GALNTL6: variants seen among roughly 807,000 people sequenced by gnomAD.
The protein encoded by GALNTL6 is polypeptide N-acetylgalactosaminyltransferase like 6, also known as polypeptide N-acetylgalactosaminyltransferase-like 6.
Under a neutral mutation model 73.7 loss-of-function variants are expected in GALNTL6, and 46 were observed. The ratio of observed to expected loss-of-function variants is 0.62; its 90% confidence interval spans 0.49 to 0.80. GALNTL6 has a LOEUF of 0.80. Among genes scored for constraint, GALNTL6 ranks in the 30% least tolerant of loss-of-function variants. The pLI is 0.00. For missense variants in GALNTL6, 604 were observed against 755.0 expected, an observed-to-expected ratio of 0.80 and a Z score of 2.34; for synonymous variants, 259 against 263.7, an observed-to-expected ratio of 0.98 and a Z score of 0.17.
At position 171,823,188 on chromosome 4, in the gene GALNTL6, AT is replaced by A. The variant is rs534527786; in HGVS notation, c.138+8472del. Among the ~76,000 whole-genome samples, 34 of 152,294 alleles carry A rather than the reference AT, an allele frequency of 2.2e-4. 1 individual carries two copies. In the Middle Eastern group the frequency reaches 0.017, roughly 76 times the overall value. On this transcript the variant is annotated intron_variant, in intron 2 of 12. Transcript: ENST00000506823. ...AGAAATTTAAATAAAATTATACTAG[AT>A]TAAATGGTAAGACTAAATATTTAAC... is the stretch of plus-strand genomic sequence containing the variant.
At chr4:171,870,466 A>G (rs1000252413) in intron 2 of GALNTL6, among the ~76,000 whole-genome samples, 4 of 152,192 alleles carry the variant, frequency 2.6e-5, no homozygotes, top group African/African-American at 9.6e-5. Flanking sequence ...TTGAACTACT[A>G]TGGCTTAGGG....
chr4:172,038,481 C>T (rs942753957), intron 2 of GALNTL6, among the ~76,000 whole-genome samples: 3 of 152,164 alleles, frequency 2.0e-5, no homozygotes, highest in South Asian at 2.1e-4. Context: ...ACTATTGTTT[C>T]GTTAAATAAT....
chr4:172,786,972 G>A (rs1739693852), intron 5 of GALNTL6, among the ~76,000 whole-genome samples: 1 of 152,136 alleles, frequency 6.6e-6, no homozygotes, highest in South Asian at 2.1e-4. Flanking sequence ...CTTTTTTCAG[G>A]ATCAGTTAGC....
intron 2 of GALNTL6, among the ~76,000 whole-genome samples, chr4:172,191,218 A>T (rs904547900): frequency 1.3e-5 from 2 of 152,200 alleles, no homozygotes; most frequent in Non-Finnish European, 2.9e-5. Flanking sequence ...TCTTGAAACC[A>T]CTATGGTCTC....
At chr4:172,349,755 T>A (rs1741876479) in intron 5 of GALNTL6, among the ~76,000 whole-genome samples, 1 of 151,646 alleles carries the variant, frequency 6.6e-6, no homozygotes. Context: ...ATGGCGGAGA[T>A]TGCAGTGAGC....
At chr4:172,850,955 T>G (rs1452232073) in intron 7 of GALNTL6, among the ~76,000 whole-genome samples, 1 of 152,176 alleles carries the variant, frequency 6.6e-6, no homozygotes, top group Non-Finnish European at 1.5e-5. Flanking sequence ...CACCACATGT[T>G]CAGTGATTCA....
chr4:172,134,560 T>C (rs961132624), intron 2 of GALNTL6, among the ~76,000 whole-genome samples: 1 of 152,066 alleles, frequency 6.6e-6, no homozygotes, highest in Admixed American at 6.6e-5. Context: ...ATGAGAAACA[T>C]GATTGGAAGG....
At chr4:172,778,966 C>A (rs1739225368) in intron 5 of GALNTL6, among the ~76,000 whole-genome samples, 1 of 105,090 alleles carries the variant, frequency 9.5e-6, no homozygotes, top group African/African-American at 2.7e-5. Flanking sequence ...TTTACTACCA[C>A]CCCCCTTCAC....
intron 2 of GALNTL6, among the ~76,000 whole-genome samples, chr4:172,093,511 C>T (rs1283317140): frequency 6.6e-6 from 1 of 151,952 alleles, no homozygotes; most frequent in Non-Finnish European, 1.5e-5. Context: ...GTCTTCAAAC[C>T]CTGGGCCACA....
chr4:171,912,040 G>A (rs1468999357), intron 2 of GALNTL6, among the ~76,000 whole-genome samples: 1 of 151,908 alleles, frequency 6.6e-6, no homozygotes, highest in Non-Finnish European at 1.5e-5. Context: ...GAATTCTTCT[G>A]CTTAATCTTA....
intron 5 of GALNTL6, among the ~76,000 whole-genome samples, chr4:172,740,135 T>G (rs534252236): frequency 7.9e-5 from 12 of 152,120 alleles, no homozygotes; most frequent in Middle Eastern, 3.4e-3. Context: ...TCAAGGCCTT[T>G]GTACTTGTTC....
chr4:171,985,740 T>TTATATATATA (rs144030359), intron 2 of GALNTL6, among the ~76,000 whole-genome samples: 231 of 148,108 alleles, frequency 1.6e-3, no homozygotes, highest in African/African-American at 4.8e-3. Context: ...CTCTATAAAA[T>TTATATATATA]TATATATATA....
intron 5 of GALNTL6, among the ~76,000 whole-genome samples, chr4:172,751,680 T>C (rs1344838693): frequency 2.6e-5 from 4 of 152,200 alleles, no homozygotes; most frequent in African/African-American, 9.6e-5. Flanking sequence ...ATATGCCCAA[T>C]TGACAGCCTC....
At chr4:172,695,827 C>A (rs1279990759) in intron 5 of GALNTL6, among the ~76,000 whole-genome samples, 3 of 152,022 alleles carry the variant, frequency 2.0e-5, no homozygotes, top group Non-Finnish European at 2.9e-5. Flanking sequence ...GTGGCGGGCA[C>A]CTGTAGTCCC....
intron 2 of GALNTL6, among the ~76,000 whole-genome samples, chr4:171,903,315 G>T (rs991097957): frequency 1.3e-5 from 2 of 152,102 alleles, no homozygotes; most frequent in African/African-American, 4.8e-5. Context: ...GCAGGGCGAG[G>T]CATTGCCTCA....
chr4:172,684,613 A>T (rs960242875), intron 5 of GALNTL6, among the ~76,000 whole-genome samples: 1 of 152,228 alleles, frequency 6.6e-6, no homozygotes, highest in Non-Finnish European at 1.5e-5. Context: ...GATGGGTAGT[A>T]CCTAAATTGG....
intron 2 of GALNTL6, among the ~76,000 whole-genome samples, chr4:172,098,986 GAC>G (rs1732435710): frequency 6.6e-6 from 1 of 152,108 alleles, no homozygotes; most frequent in South Asian, 2.1e-4. Flanking sequence ...CAAAATCACT[GAC>G]AGTGTGTTTA....
intron 3 of GALNTL6, among the ~76,000 whole-genome samples, chr4:172,231,899 T>C (rs1016920021): frequency 2.6e-5 from 4 of 152,098 alleles, no homozygotes; most frequent in African/African-American, 7.2e-5. Context: ...TTTTCTATCT[T>C]CATCTTTGCT....
At chr4:171,988,698 G>C (rs538869075) in intron 2 of GALNTL6, among the ~76,000 whole-genome samples, 1 of 152,276 alleles carries the variant, frequency 6.6e-6, no homozygotes, top group African/African-American at 2.4e-5. Context: ...AGAGTGTATA[G>C]GCTTTAAAAG....
Sources: gnomAD v4.1 joint callset for allele counts (sites outside exome capture counted in the v4.1 genomes callset) on GRCh38, gnomAD v4.1.1 for gene constraint, MANE v1.5 for transcripts, NCBI Gene and HGNC (gene_info 2026-07-23, HGNC 2026-07-21) for gene names.